ACTA2: variants seen among roughly 807,000 people sequenced by gnomAD.
The protein encoded by ACTA2 is actin alpha 2, smooth muscle, also known as actin, aortic smooth muscle.
ACTA2 carries 12 observed loss-of-function variants against 39.5 expected under a neutral mutation model. The observed-to-expected ratio is 0.30, with a 90% confidence interval of 0.19 to 0.49. The LOEUF is 0.49. Ranked by LOEUF, ACTA2 falls within the 20% of genes least tolerant of loss-of-function variation. ACTA2 has a pLI of 0.99. For synonymous variants in ACTA2, 158 were observed against 180.6 expected, an observed-to-expected ratio of 0.88 and a Z score of 1.00; for missense variants, 236 against 498.8, an observed-to-expected ratio of 0.47 and a Z score of 5.02.
chr10:88,949,328 A>G (rs1846008501), intron 1 of ACTA2, among the ~76,000 whole-genome samples: 1 of 152,190 alleles, frequency 6.6e-6, no homozygotes, highest in African/African-American at 2.4e-5. Context: ...TGCCTACCTT[A>G]TGTTAAAGAA....
chr10:88,950,604 T>C (rs1439702201), intron 1 of ACTA2, among the ~76,000 whole-genome samples: 2 of 152,130 alleles, frequency 1.3e-5, no homozygotes, highest in Admixed American at 1.3e-4. Context: ...GCTTAAGGAG[T>C]TGAAGTGACT....
intron 3 of ACTA2, 95 bp from the exon 4 acceptor site, chr10:88,944,002 A>T: frequency 9.4e-7 from 1 of 1,063,790 alleles, no homozygotes; most frequent in East Asian, 2.4e-5. Context: ...TGAAACCAAG[A>T]CCAAAGGAAA....
intron 1 of ACTA2, among the ~76,000 whole-genome samples, chr10:88,950,814 A>T (rs1224432272): frequency 6.6e-6 from 1 of 152,252 alleles, no homozygotes; most frequent in Non-Finnish European, 1.5e-5. Flanking sequence ...GACATACCTC[A>T]TGGAGTTCTT....
rs1332965338 is a variant in ACTA2, at chr10:88,979,384, AAG to A, written c.-24+11553_-24+11554del. Among the ~76,000 whole-genome samples the A allele has an allele frequency of 2.0e-5, 3 of 152,196 alleles. No individual in the cohort carries two copies. The East Asian group carries it at 5.8e-4, about 29-fold the overall frequency. ...ACAGACCAGATTCCTGCTGACTTCA[AAG>A]AGAGACGTTCACAAGGAGAAGATGC... On this transcript the variant is annotated intron_variant, in intron 1 of 4. Coordinates refer to the ACTA2 transcript ENST00000415557.
chr10:88,977,112 T>C (rs1012826295), intron 1 of ACTA2, among the ~76,000 whole-genome samples: 4 of 152,124 alleles, frequency 2.6e-5, no homozygotes, highest in Non-Finnish European at 5.9e-5. Flanking sequence ...ATTTTGTAGG[T>C]TGCCTGTTCA....
At chr10:88,967,201 C>T (rs947524315) in intron 1 of ACTA2, among the ~76,000 whole-genome samples, 6 of 152,136 alleles carry the variant, frequency 3.9e-5, no homozygotes, top group Non-Finnish European at 8.8e-5. Flanking sequence ...TAATTTTATA[C>T]TGAAGAGCTC....
Position 88,990,738 on chromosome 10 carries a change from G to T in ACTA2, c.-24+201C>A. The T allele has an allele frequency of 2.0e-6, 2 of 1,007,522 alleles. No homozygotes were observed. Among genetic ancestry groups the T allele is most frequent in the South Asian group, 1.3e-5 (1 of 76,190 alleles). 62.4% of individuals were successfully genotyped at this position (1,007,522 alleles called of 1,614,324 possible). On this transcript the variant is annotated intron_variant, in intron 1 of 4. Transcript: ENST00000415557. The surrounding 1 kb of genome is among the most constrained non-coding windows in gnomAD (Gnocchi z 4.9). ...ACGAGTGACTTGGCTGGAGCCTCAG[G>T]GGCGGGCACTGGCACGGAACACACC...
Position 88,939,667 on chromosome 10 carries a change from C to T in ACTA2, c.648G>A (p.Glu216=), listed in dbSNP as rs775575485. The T allele has an allele frequency of 9.3e-6, 15 of 1,613,946 alleles. No homozygotes were observed. Among genetic ancestry groups the T allele is most frequent in the African/African-American group, 4.0e-5 (3 of 74,926 alleles). The part of the protein sequence containing the change: ...AEREIVRDIK[E]KLCYVALDFE... ...AGTCCAGAGCTACATAACACAGTTTCTCCTTGATGTCCCGGACAATCTCAC... is the reference window on the plus strand; with the variant it reads ...AGTCCAGAGCTACATAACACAGTTTTTCCTTGATGTCCCGGACAATCTCAC... The change falls in exon 7 of 9, where the codon GAG becomes GAA. Residue 216 remains glutamate, a synonymous_variant. Coordinates refer to ENST00000224784, the MANE Select transcript of ACTA2 (RefSeq NM_001613.4).
At chr10:88,936,047 C>A (rs1845732404) in intron 8 of ACTA2, among the ~76,000 whole-genome samples, 1 of 152,242 alleles carries the variant, frequency 6.6e-6, no homozygotes, top group Non-Finnish European at 1.5e-5. Flanking sequence ...TGAGCATTTA[C>A]TTCTTAATAC....
chr10:88,978,714 A>C (rs1467392301), intron 1 of ACTA2, among the ~76,000 whole-genome samples: 1 of 152,174 alleles, frequency 6.6e-6, no homozygotes, highest in Non-Finnish European at 1.5e-5. Flanking sequence ...GAAGATGTCT[A>C]GGTGTCTGGG....
At chr10:88,964,214 T>C (rs1345597101) in intron 1 of ACTA2, among the ~76,000 whole-genome samples, 1 of 152,130 alleles carries the variant, frequency 6.6e-6, no homozygotes, top group Non-Finnish European at 1.5e-5. Context: ...AATTCTTATC[T>C]GGAACCCCTG....
rs926553034 is a variant in ACTA2, at chr10:88,990,444, G to T, written c.-24+495C>A. ...CGAGGTCCTCACCTGAAGTGAGCAT[G>T]CCAGCCACTGCAGGAACGCCCCGGG... On this transcript the variant is annotated intron_variant, in intron 1 of 4. Transcript: ENST00000415557. This position sits in a 1 kb window ranked among gnomAD's most constrained non-coding sequence, Gnocchi z 4.9. 1.8e-5 allele frequency: 9 copies of T among 497,688 alleles called. No homozygotes were observed. The highest frequency in any genetic ancestry group is 1.5e-4 in the African/African-American group (8 of 53,192). The allele number at this position is 497,688 out of a possible 1,614,324, so 30.8% of individuals were successfully genotyped here.
At chr10:88,971,099 G>A (rs1564657082) in intron 1 of ACTA2, among the ~76,000 whole-genome samples, 3 of 152,216 alleles carry the variant, frequency 2.0e-5, no homozygotes, top group Non-Finnish European at 4.4e-5. Flanking sequence ...AATGGCGTCT[G>A]ATTTTCAAGC....
At chr10:88,986,242 T>C (rs1178403714) in intron 1 of ACTA2, among the ~76,000 whole-genome samples, 1 of 152,184 alleles carries the variant, frequency 6.6e-6, no homozygotes, top group Non-Finnish European at 1.5e-5. Context: ...TATCTTTCCT[T>C]GTGTCAGTTC....
At chr10:88,987,107 T>G (rs1462978576) in intron 1 of ACTA2, among the ~76,000 whole-genome samples, 1 of 152,222 alleles carries the variant, frequency 6.6e-6, no homozygotes, top group East Asian at 1.9e-4. Flanking sequence ...AAATAATTAT[T>G]AATAGACTTT....
chr10:88,978,976 A>G (rs911097408), intron 1 of ACTA2, among the ~76,000 whole-genome samples: 1 of 151,858 alleles, frequency 6.6e-6, no homozygotes, highest in African/African-American at 2.4e-5. Flanking sequence ...CATCTTTTCT[A>G]TGAATTACCT....
At chr10:88,943,965 T>A in intron 3 of ACTA2, 58 bp from the exon 4 acceptor site, 1 of 1,527,540 alleles carries the variant, frequency 6.5e-7, no homozygotes, top group Non-Finnish European at 9.1e-7. Context: ...AGGTCCTGCA[T>A]TTCCCAAAAA....
intron 5 of ACTA2, 90 bp downstream of exon 5, chr10:88,941,695 C>A: frequency 2.5e-6 from 3 of 1,212,608 alleles, no homozygotes; most frequent in East Asian, 2.5e-5. Flanking sequence ...TAACTCAACT[C>A]CAGTCCGTCA....
intron 1 of ACTA2, chr10:88,974,468 G>C (rs1054856806): frequency 6.6e-6 from 1 of 152,150 alleles, no homozygotes; most frequent in Non-Finnish European, 1.5e-5. Context: ...TTAAATGTTG[G>C]TGGTCTTTTA....
Sources: allele counts gnomAD v4.1 joint callset (sites outside exome capture counted in the v4.1 genomes callset), GRCh38; gene constraint gnomAD v4.1.1; non-coding constraint Gnocchi (gnomAD v3.1); transcripts MANE v1.5; gene names NCBI Gene and HGNC (gene_info 2026-07-23, HGNC 2026-07-21).